The following CFAP70 variants were observed in gnomAD, a reference collection of about 807,000 sequenced individuals.
CFAP70 encodes the protein cilia- and flagella-associated protein 70.
Under a neutral mutation model 137.6 loss-of-function variants are expected in CFAP70, and 81 were observed. That is an observed-to-expected ratio of 0.59 (90% confidence interval 0.49 to 0.71). CFAP70 has a LOEUF of 0.71. Among genes scored for constraint, CFAP70 ranks in the 30% least tolerant of loss-of-function variants. The pLI, the probability that CFAP70 is intolerant of heterozygous loss-of-function variation, is 0.00. For missense variants in CFAP70, 976 were observed against 1,226.7 expected (o/e 0.80, Z 3.05); for synonymous variants, 382 against 423.6 (o/e 0.90, Z 1.20).
intron 10 of CFAP70, 87 bp downstream of exon 11, chr10:73,312,386 C>T (rs1003066432): frequency 3.0e-6 from 3 of 988,630 alleles, no homozygotes; most frequent in Middle Eastern, 4.3e-4. Context: ...TGCAAACTAA[C>T]ATTGATACCA....
At position 73,331,277 on chromosome 10, in the gene CFAP70, C is replaced by G; in HGVS notation, c.678-1G>C. On this transcript the variant is annotated splice_acceptor_variant, in intron 7 of 26. Coordinates refer to ENST00000310715, the Ensembl canonical transcript of CFAP70. LOFTEE classifies it high-confidence loss of function. ...GCAATCGGCAATTCGCTTCTGAAAA[C>G]TGCAAATCAAGAATCAGTCCATTAG... The G allele has an allele frequency of 1.2e-6, 2 of 1,612,030 alleles. No homozygotes were observed. Among genetic ancestry groups the G allele is most frequent in the East Asian group, 4.5e-5 (2 of 44,866 alleles).
intron 11 of CFAP70, 50 bp from the exon 13 acceptor site, chr10:73,310,299 A>C (rs376158934): frequency 2.5e-4 from 327 of 1,322,840 alleles, no homozygotes; most frequent in Non-Finnish European, 3.2e-4. Context: ...TATATTTATG[A>C]AAAATTTAGT....
intron 19 of CFAP70, among the ~76,000 whole-genome samples, chr10:73,281,081 C>T (rs1222627640): frequency 6.6e-6 from 1 of 152,142 alleles, no homozygotes; most frequent in Non-Finnish European, 1.5e-5. Flanking sequence ...TAATTCCACA[C>T]ATTTTGCTTT....
chr10:73,331,106 T>TCA, intron 8 of CFAP70, 71 bp downstream of exon 9: 1 of 1,070,128 alleles, frequency 9.3e-7, no homozygotes, highest in Admixed American at 2.2e-5. Context: ...GGTATCAGAA[T>TCA]TGAAGCAGAA....
At chr10:73,323,052 T>G in exon 9 of CFAP70, 1 of 1,613,584 alleles carries the variant, frequency 6.2e-7, no homozygotes, top group Non-Finnish European at 8.5e-7. Context: ...GGGACCATAT[T>G]AACATAAGCC....
At chr10:73,346,682 G>A (rs567138526) in intron 4 of CFAP70, among the ~76,000 whole-genome samples, 1 of 152,016 alleles carries the variant, frequency 6.6e-6, no homozygotes, top group South Asian at 2.1e-4. Context: ...TAGGCACTTT[G>A]CTATATCACT....
At chr10:73,338,818 T>C (rs1400481197) in intron 6 of CFAP70, among the ~76,000 whole-genome samples, 1 of 152,096 alleles carries the variant, frequency 6.6e-6, no homozygotes, top group African/African-American at 2.4e-5. Context: ...ATTTGTCCTA[T>C]ACATAGTTTC....
chr10:73,325,511 T>C (rs556699178), intron 8 of CFAP70, among the ~76,000 whole-genome samples: 50 of 152,228 alleles, frequency 3.3e-4, no homozygotes, highest in African/African-American at 1.2e-3. Context: ...GTAAATGGGC[T>C]AAATGCTCCA....
At chr10:73,280,010 G>A (rs1424095056) in intron 19 of CFAP70, among the ~76,000 whole-genome samples, 1 of 151,894 alleles carries the variant, frequency 6.6e-6, no homozygotes, top group Non-Finnish European at 1.5e-5. Flanking sequence ...GAGAGTTCCA[G>A]CTACTCCACA....
chr10:73,362,635 A>G (rs1334690920), upstream of CFAP70, among the ~76,000 whole-genome samples: 1 of 152,190 alleles, frequency 6.6e-6, no homozygotes, highest in Non-Finnish European at 1.5e-5. Context: ...GTATCCTGCA[A>G]CTTTACTGAA....
At chr10:73,299,538 T>C (rs2048785252) in intron 13 of CFAP70, 67 bp downstream of exon 14, 4 of 1,300,754 alleles carry the variant, frequency 3.1e-6, no homozygotes, top group Non-Finnish European at 4.4e-6. Context: ...AAAGAGTCCA[T>C]GCAATTAACA....
At chr10:73,323,050 A>T (rs753460255) in exon 9 of CFAP70, 2 of 1,613,810 alleles carry the variant, frequency 1.2e-6, no homozygotes, top group Admixed American at 1.7e-5. Context: ...ATGGGACCAT[A>T]TTAACATAAG....
chr10:73,287,885 A>ATCTC (rs1393049932), intron 19 of CFAP70, among the ~76,000 whole-genome samples: 1 of 151,312 alleles, frequency 6.6e-6, no homozygotes, highest in Non-Finnish European at 1.5e-5. Flanking sequence ...CTATCTATCT[A>ATCTC]TCTATCTATC....
intron 21 of CFAP70, 80 bp downstream of exon 22, chr10:73,277,160 C>T (rs1441509665): frequency 6.9e-7 from 1 of 1,459,004 alleles, no homozygotes; most frequent in Non-Finnish European, 9.2e-7. Flanking sequence ...AATATGGAAG[C>T]TTGAAAGATA....
intron 24 of CFAP70, among the ~76,000 whole-genome samples, chr10:73,270,686 C>T (rs2046233752): frequency 6.6e-6 from 1 of 150,850 alleles, no homozygotes; most frequent in South Asian, 2.1e-4. Flanking sequence ...CAGGTGCCCA[C>T]CACCACACCC....
At chr10:73,262,083 TG>T (rs1428209980) in intron 25 of CFAP70, among the ~76,000 whole-genome samples, 3 of 147,520 alleles carry the variant, frequency 2.0e-5, no homozygotes, top group Non-Finnish European at 4.5e-5. Flanking sequence ...ATATTATATA[TG>T]TATATATATA....
At chr10:73,307,736 T>C (rs1426885484) in intron 12 of CFAP70, among the ~76,000 whole-genome samples, 1 of 152,014 alleles carries the variant, frequency 6.6e-6, no homozygotes, top group Non-Finnish European at 1.5e-5. Flanking sequence ...CCAAAATTTA[T>C]AAAGCAAAAA....
At chr10:73,313,264 C>T (rs1172327549) in intron 9 of CFAP70, among the ~76,000 whole-genome samples, 3 of 148,966 alleles carry the variant, frequency 2.0e-5, no homozygotes, top group East Asian at 2.0e-4. Context: ...GCCAGCTACT[C>T]GGGAGGCTGA....
intron 26 of CFAP70, 25 bp downstream of exon 27, chr10:73,256,344 A>C (rs970755084): frequency 7.4e-6 from 12 of 1,613,708 alleles, no homozygotes; most frequent in African/African-American, 4.0e-5. Context: ...GGGGCAGGCA[A>C]ATGACAGAGG....
Sources: gnomAD v4.1 joint callset for allele counts (sites outside exome capture counted in the v4.1 genomes callset) on GRCh38, gnomAD v4.1.1 for gene constraint, MANE v1.5 for transcripts, NCBI Gene and HGNC (gene_info 2026-07-23, HGNC 2026-07-21) for gene names.